FLRT2: variants seen among roughly 807,000 people sequenced by gnomAD.
FLRT2 encodes the protein leucine-rich repeat transmembrane protein FLRT2.
In FLRT2, 15 loss-of-function variants were observed where a neutral mutation model predicts 40.0. The ratio of observed to expected loss-of-function variants is 0.38; its 90% CI spans 0.25 to 0.58. The LOEUF is 0.58. FLRT2 is among the 20% of genes least tolerant of loss of function. The pLI is 0.71. For missense variants in FLRT2, 726 were observed against 840.0 expected (o/e 0.86, Z 1.68); for synonymous variants, 380 against 336.8 (o/e 1.13, Z -1.41).
In FLRT2 at chr14:85,649,647, A is replaced by C. The variant is rs1894387557; in HGVS notation, c.*26150A>C. 6.6e-6 allele frequency: 1 copy of C among 152,082 alleles called. No individual in the cohort carries two copies. Among genetic ancestry groups the C allele is most frequent in the Admixed American group, 6.6e-5 (1 of 15,252 alleles). 9.4% of individuals were successfully genotyped at this position (152,082 alleles called of 1,614,324 possible). ...TTTTAGGCAAAGGATTTTAAGATAA[A>C]TTCTTTCATACTGGAATTTGTGATA... On this transcript the variant is annotated 3_prime_UTR_variant, in exon 2 of 2. Coordinates refer to ENST00000330753, the MANE Select transcript of FLRT2 (RefSeq NM_013231.6).
intron 1 of FLRT2, among the ~76,000 whole-genome samples, chr14:85,592,789 CAAAAAAAA>C (rs34002874): frequency 1.1e-5 from 1 of 90,718 alleles, no homozygotes; most frequent in Non-Finnish European, 2.0e-5. Context: ...AACTCCGTCT[CAAAAAAAA>C]AAAAAAAAAA....
chr14:85,538,865 A>G (rs1032241775), intron 1 of FLRT2, among the ~76,000 whole-genome samples: 5 of 152,186 alleles, frequency 3.3e-5, no homozygotes, highest in Non-Finnish European at 1.5e-5. Flanking sequence ...TCTTAGCCCC[A>G]GCTGCCTCTA....
chr14:85,559,548 C>T (rs1296695345), intron 1 of FLRT2: 1 of 152,122 alleles, frequency 6.6e-6, no homozygotes, highest in Non-Finnish European at 1.5e-5. Flanking sequence ...ACCATACATG[C>T]TTGTAGTAAA....
intron 1 of FLRT2, among the ~76,000 whole-genome samples, chr14:85,576,989 C>T (rs975627064): frequency 6.6e-6 from 1 of 152,150 alleles, no homozygotes; most frequent in Non-Finnish European, 1.5e-5. Flanking sequence ...TACTGTTATT[C>T]TTCTAAATAT....
chr14:85,553,222 C>A (rs549668677), intron 1 of FLRT2, among the ~76,000 whole-genome samples: 1 of 152,260 alleles, frequency 6.6e-6, no homozygotes, highest in East Asian at 1.9e-4. Context: ...TGTTGTGCAG[C>A]ATTAAGGTTT....
intron 1 of FLRT2, among the ~76,000 whole-genome samples, chr14:85,556,025 G>A (rs1889938721): frequency 1.3e-5 from 2 of 152,156 alleles, no homozygotes; most frequent in South Asian, 2.1e-4. Flanking sequence ...CAGACGGAAG[G>A]CATGTAATTA....
chr14:85,540,386 A>T (rs145168289), intron 1 of FLRT2, among the ~76,000 whole-genome samples: 2 of 152,234 alleles, frequency 1.3e-5, no homozygotes, highest in South Asian at 4.1e-4. Context: ...GTATTTCTGC[A>T]TGTTTTGTTC....
chr14:85,546,695 C>T (rs1022986395), intron 1 of FLRT2, among the ~76,000 whole-genome samples: 1 of 152,210 alleles, frequency 6.6e-6, no homozygotes, highest in Non-Finnish European at 1.5e-5. Context: ...AATGTCTCTG[C>T]TGCTAGAAAT....
At chr14:85,597,392 A>G (rs1892187100) in intron 1 of FLRT2, among the ~76,000 whole-genome samples, 1 of 152,210 alleles carries the variant, frequency 6.6e-6, no homozygotes, top group Admixed American at 6.5e-5. Context: ...AATACATCCT[A>G]TTACAAACAT....
chr14:85,566,449 G>T (rs1890617025), intron 1 of FLRT2, among the ~76,000 whole-genome samples: 1 of 151,820 alleles, frequency 6.6e-6, no homozygotes, highest in African/African-American at 2.4e-5. Context: ...CTTCATAAAG[G>T]AATCAAGAAA....
intron 1 of FLRT2, among the ~76,000 whole-genome samples, chr14:85,612,166 T>A (rs148844798): frequency 9.8e-4 from 146 of 148,526 alleles, no homozygotes; most frequent in African/African-American, 3.5e-3. Flanking sequence ...AAAACACAGT[T>A]AAGTGGTTGA....
intron 1 of FLRT2, among the ~76,000 whole-genome samples, chr14:85,617,944 A>T (rs1170858939): frequency 6.6e-6 from 1 of 152,208 alleles, no homozygotes; most frequent in East Asian, 1.9e-4. Context: ...CTTCAGAACC[A>T]CATCATCTTC....
chr14:85,601,244 T>G (rs952414368), intron 1 of FLRT2, among the ~76,000 whole-genome samples: 3 of 152,146 alleles, frequency 2.0e-5, no homozygotes, highest in Admixed American at 6.6e-5. Context: ...GGGCAGGCGG[T>G]AAACTATGAG....
At chr14:85,567,504 C>A (rs551904156) in intron 1 of FLRT2, among the ~76,000 whole-genome samples, 14 of 152,154 alleles carry the variant, frequency 9.2e-5, no homozygotes, top group Non-Finnish European at 1.8e-4. Context: ...GTTTCTGCAT[C>A]ACCCTGCCTC....
rs554421398 is a variant in FLRT2 at position 85,592,232 on chromosome 14, C to T, written c.-376-28907C>T. ...GAAAATAGAAAAATAAGAAAGTGTC[C>T]CCAGAGAAAGAAGGTGGTAGCTCCC... On this transcript the variant is annotated intron_variant, in intron 1 of 1. Coordinates refer to ENST00000330753, the MANE Select transcript of FLRT2 (RefSeq NM_013231.6). Among the ~76,000 whole-genome samples, 112 of 151,892 alleles carry T rather than the reference C, an allele frequency of 7.4e-4. 1 individual carries two copies. The highest frequency in any genetic ancestry group is 3.4e-3 in the Middle Eastern group (1 of 294).
At chr14:85,595,830 A>G (rs1892116433) in intron 1 of FLRT2, among the ~76,000 whole-genome samples, 1 of 152,102 alleles carries the variant, frequency 6.6e-6, no homozygotes, top group Admixed American at 6.6e-5. Context: ...AAACTAGGCC[A>G]TTTCTGGTTT....
Position 85,643,355 on chromosome 14 carries a change from C to CTTTCTTTCTTTCTTTCTT in FLRT2, c.*19860_*19861insTCTTTCTTTCTTTCTTTT, listed in dbSNP as rs1469517900. On this transcript the variant is annotated 3_prime_UTR_variant, in exon 2 of 2. Transcript: ENST00000330753. The stretch of plus-strand genomic sequence containing the variant: ...TCTTTCTTTCTTTCTTTCTTTCTTT[C>CTTTCTTTCTTTCTTTCTT]TTCCTTCCTTCCTTCCTTCCTTTCT... 9.9e-6 allele frequency: 1 copy of CTTTCTTTCTTTCTTTCTT among 100,736 alleles called. No homozygotes were observed. Among genetic ancestry groups the CTTTCTTTCTTTCTTTCTT allele is most frequent in the Non-Finnish European group, 2.0e-5 (1 of 50,158 alleles). The allele number at this position is 100,736 out of a possible 1,614,324, so 6.2% of individuals were successfully genotyped here.
At position 85,634,360 on chromosome 14, in the gene FLRT2, G is replaced by C. The variant is rs1370565997; in HGVS notation, c.*10863G>C. 1 of 152,168 alleles carries C rather than the reference G, an allele frequency of 6.6e-6. No homozygotes were observed. Among genetic ancestry groups the C allele is most frequent in the Admixed American group, 6.5e-5 (1 of 15,276 alleles). 9.4% of individuals were successfully genotyped at this position (152,168 alleles called of 1,614,324 possible). A position where few individuals can be genotyped will look rare whatever the true frequency, so the allele number is the denominator to read the frequency against. On this transcript the variant is annotated 3_prime_UTR_variant, in exon 2 of 2. Coordinates refer to ENST00000330753, the MANE Select transcript of FLRT2 (RefSeq NM_013231.6). Reference sequence around the variant, plus strand: ...GCCAATCTCTATTCTGTTTGGACTAGTGTCTGTTTTGACTGGTAGGCCTCA... The same window carrying C: ...GCCAATCTCTATTCTGTTTGGACTACTGTCTGTTTTGACTGGTAGGCCTCA...
At chr14:85,583,001 T>C (rs1013561296) in intron 1 of FLRT2, among the ~76,000 whole-genome samples, 6 of 152,136 alleles carry the variant, frequency 3.9e-5, no homozygotes, top group Non-Finnish European at 7.3e-5. Flanking sequence ...CTCCTGTCCC[T>C]GCCCTTATCT....
Sources: allele counts gnomAD v4.1 joint callset (sites outside exome capture counted in the v4.1 genomes callset), GRCh38; gene constraint gnomAD v4.1.1; transcripts MANE v1.5; gene names NCBI Gene and HGNC (gene_info 2026-07-23, HGNC 2026-07-21).